Variants in CCND3 observed in about 807,000 individuals in gnomAD.
CCND3 encodes the protein cyclin D3, also known as G1/S-specific cyclin-D3.
In CCND3, 9 loss-of-function variants were observed where a neutral mutation model predicts 28.7. The observed-to-expected ratio is 0.31, with a 90% CI of 0.19 to 0.55. The LOEUF is 0.55. CCND3 is among the 20% of genes least tolerant of loss of function. The probability of loss-of-function intolerance (pLI) is 0.93; values close to 1 mark genes in which losing one functional copy is unlikely to be tolerated. For synonymous variants in CCND3, 164 were observed against 163.9 expected, an observed-to-expected ratio of 1.00 and a Z score of 0.00; for missense variants, 315 against 385.8, an observed-to-expected ratio of 0.82 and a Z score of 1.54.
chr6:42,037,213 T>C (rs1417786907), intron 1 of CCND3, among the ~76,000 whole-genome samples: 6 of 151,826 alleles, frequency 4.0e-5, no homozygotes, highest in Admixed American at 6.6e-5. Context: ...GTGTTGGGAT[T>C]ACAGGCGTGA....
Position 41,941,474 on chromosome 6 carries a change from A to G in CCND3, c.176T>C (p.Met59Thr). Residue 59 changes from methionine (M) to threonine (T), a missense_variant, in exon 1 of 5, where the codon ATG becomes ACG. Met to Thr is a moderately conservative substitution (Grantham distance 81, BLOSUM62 -1). Transcript: ENST00000372991. This position sits in a 1 kb window ranked among gnomAD's most constrained non-coding sequence, Gnocchi z 6.1. ...TACCTCCAGCATCCAGTAAGCCAGC[A>G]TCTTCCGCATGTGCGGCTTGATCTC... is the stretch of plus-strand genomic sequence containing the variant. ...QREIKPHMRK[M>T]LAYWMLEVCE... 6.2e-7 allele frequency: 1 copy of G among 1,608,186 alleles called. No homozygotes were observed. Among genetic ancestry groups the G allele is most frequent in the Non-Finnish European group, 8.5e-7 (1 of 1,178,666 alleles).
intron 1 of CCND3, among the ~76,000 whole-genome samples, chr6:41,952,080 T>C (rs1246344473): frequency 6.6e-6 from 1 of 152,176 alleles, no homozygotes; most frequent in East Asian, 1.9e-4. Context: ...ACTTGTTAAG[T>C]GCTTTCTCCT....
chr6:41,997,410 G>A (rs970004053), intron 1 of CCND3, among the ~76,000 whole-genome samples: 19 of 152,136 alleles, frequency 1.2e-4, no homozygotes, highest in African/African-American at 4.1e-4. Flanking sequence ...AGGTGGCAGA[G>A]TGAAGATGTG....
At chr6:42,036,306 T>TTTTATATATATATATATATATA (rs1554168336) in intron 1 of CCND3, among the ~76,000 whole-genome samples, 1 of 130,678 alleles carries the variant, frequency 7.7e-6, no homozygotes, top group Non-Finnish European at 1.6e-5. Flanking sequence ...AAATTATTAT[T>TTTTATATATATATATATATATA]TATATATATA....
At chr6:42,002,779 G>A (rs376113362) in intron 1 of CCND3, among the ~76,000 whole-genome samples, 5 of 152,050 alleles carry the variant, frequency 3.3e-5, no homozygotes, top group East Asian at 1.9e-4. Flanking sequence ...GCGTGAACCC[G>A]GGAGGCAGAG....
In CCND3 at chr6:41,941,643, G is replaced by C. The variant is rs746833245; in HGVS notation, c.7C>G (p.Leu3Val). The C allele has an allele frequency of 3.4e-6, 5 of 1,462,346 alleles. No homozygotes were observed. Among genetic ancestry groups the C allele is most frequent in the Non-Finnish European group, 4.5e-6 (5 of 1,106,334 alleles). The allele number at this position is 1,462,346 out of a possible 1,614,324, so 90.6% of individuals were successfully genotyped here. The change falls in exon 1 of 5, where the codon CTG becomes GTG. Residue 3 changes from leucine to valine, a missense_variant. Leu to Val is a conservative substitution (Grantham distance 32). Coordinates refer to ENST00000372991, the MANE Select transcript of CCND3 (RefSeq NM_001760.5). This position sits in a 1 kb window ranked among gnomAD's most constrained non-coding sequence, Gnocchi z 6.1. Reference protein sequence around the residue: MELLCCEGTRHAP... With the variant: MEVLCCEGTRHAP... ...TGCCGGGTGCCTTCGCAACACAGCAGCTCCATACTCGGGCAGCGAACAGGC... is the reference window on the plus strand; with the variant it reads ...TGCCGGGTGCCTTCGCAACACAGCACCTCCATACTCGGGCAGCGAACAGGC...
intron 1 of CCND3, among the ~76,000 whole-genome samples, chr6:41,956,938 G>A (rs1776453272): frequency 1.3e-5 from 2 of 152,180 alleles, no homozygotes; most frequent in African/African-American, 4.8e-5. Flanking sequence ...GGCTGAGGCA[G>A]GAGAATGGCA....
At chr6:41,962,897 C>T (rs946203811) in intron 1 of CCND3, among the ~76,000 whole-genome samples, 5 of 152,160 alleles carry the variant, frequency 3.3e-5, no homozygotes, top group South Asian at 4.1e-4. Flanking sequence ...ACTACAGGCG[C>T]GTGCCACCAT....
chr6:41,953,828 G>T (rs954694888), intron 1 of CCND3, among the ~76,000 whole-genome samples: 2 of 152,036 alleles, frequency 1.3e-5, no homozygotes, highest in Non-Finnish European at 2.9e-5. Flanking sequence ...CATCAGTGGG[G>T]CACGGGAGGA....
chr6:42,018,144 G>A lies in CCND3; in HGVS notation c.-46+30357C>T, dbSNP rs191425685. On this transcript the variant is annotated intron_variant, in intron 1 of 4. Coordinates refer to the CCND3 transcript ENST00000372988. Reference sequence around the variant, plus strand: ...AGCCTGGGTGATAGAATGAGACTCCGTCTCTAAATAAATAATAAATAAAAG... The same window carrying A: ...AGCCTGGGTGATAGAATGAGACTCCATCTCTAAATAAATAATAAATAAAAG... Among the ~76,000 whole-genome samples, 356 of 151,794 alleles carry A rather than the reference G, an allele frequency of 2.3e-3. 2 individuals carry two copies. Among genetic ancestry groups the A allele is most frequent in the African/African-American group, 7.7e-3 (319 of 41,434 alleles).
Position 41,935,479 on chromosome 6 carries a change from C to A in CCND3, c.*461G>T. On this transcript the variant is annotated 3_prime_UTR_variant, in exon 5 of 5. Transcript: ENST00000372991. The stretch of plus-strand genomic sequence containing the variant: ...AAAGTACTGAGAGGAGCCATCTAGA[C>A]TATTCCCCCTCATATGTGTCTATCA... 2 of 276,174 alleles carry A rather than the reference C, an allele frequency of 7.2e-6. No homozygotes were observed. Among genetic ancestry groups the A allele is most frequent in the Admixed American group, 4.8e-5 (1 of 20,736 alleles). 17.1% of individuals were successfully genotyped at this position (276,174 alleles called of 1,614,324 possible).
intron 1 of CCND3, among the ~76,000 whole-genome samples, chr6:41,957,188 G>C (rs2127402337): frequency 6.6e-6 from 1 of 152,352 alleles, no homozygotes; most frequent in African/African-American, 2.4e-5. Flanking sequence ...CTCCCAGAGA[G>C]CCTCATCTTC....
At chr6:41,980,411 C>T (rs1762313531) in intron 1 of CCND3, among the ~76,000 whole-genome samples, 1 of 152,138 alleles carries the variant, frequency 6.6e-6, no homozygotes, top group Non-Finnish European at 1.5e-5. Context: ...GCTGGGATTA[C>T]AGGAGTAAGC....
At chr6:41,985,251 T>G (rs978915777) in intron 1 of CCND3, among the ~76,000 whole-genome samples, 20 of 151,770 alleles carry the variant, frequency 1.3e-4, no homozygotes, top group Middle Eastern at 6.8e-3. Context: ...TCAAGAAGCT[T>G]TCTCCCTAAG....
intron 1 of CCND3, among the ~76,000 whole-genome samples, chr6:42,044,580 C>T (rs528941609): frequency 3.3e-5 from 5 of 152,212 alleles, no homozygotes; most frequent in Admixed American, 1.3e-4. Flanking sequence ...GAAAGTTCTA[C>T]GTTTTTTGAA....
chr6:42,037,085 C>A (rs958041930), intron 1 of CCND3, among the ~76,000 whole-genome samples: 2 of 150,190 alleles, frequency 1.3e-5, no homozygotes, highest in African/African-American at 4.9e-5. Flanking sequence ...ACTAAAGGTG[C>A]CCGCCACCAC....
intron 1 of CCND3, among the ~76,000 whole-genome samples, chr6:41,981,466 G>A (rs938404963): frequency 6.6e-6 from 1 of 151,848 alleles, no homozygotes; most frequent in Non-Finnish European, 1.5e-5. Context: ...GCCTCTGGAA[G>A]TGCTGGGATT....
At chr6:41,983,465 A>C (rs1017886984) in intron 1 of CCND3, among the ~76,000 whole-genome samples, 3 of 152,074 alleles carry the variant, frequency 2.0e-5, no homozygotes, top group African/African-American at 7.2e-5. Flanking sequence ...TATAGTTATA[A>C]TTTTTTGTGG....
intron 1 of CCND3, among the ~76,000 whole-genome samples, chr6:41,969,554 G>A (rs779061782): frequency 1.2e-4 from 18 of 151,778 alleles, no homozygotes; most frequent in African/African-American, 1.9e-4. Context: ...TGGCCAACAC[G>A]GTGAAACCCC....
Sources: allele counts gnomAD v4.1 joint callset (sites outside exome capture counted in the v4.1 genomes callset), GRCh38; gene constraint gnomAD v4.1.1; non-coding constraint Gnocchi (gnomAD v3.1); transcripts MANE v1.5; gene names NCBI Gene and HGNC (gene_info 2026-07-23, HGNC 2026-07-21).